Variants in RNF135 observed in about 807,000 individuals in gnomAD.
The protein encoded by RNF135 is E3 ubiquitin-protein ligase RNF135.
In RNF135, 46 loss-of-function variants were observed where a neutral mutation model predicts 41.9. That is an observed-to-expected ratio of 1.10 (90% CI 0.87 to 1.40). The LOEUF (loss-of-function observed/expected upper bound fraction) is 1.40, where lower values mean the gene tolerates loss of function less well. Ranked by LOEUF, RNF135 falls within the 40% of genes most tolerant of loss-of-function variation. The pLI is 0.00. For synonymous variants in RNF135, 238 were observed against 223.8 expected (o/e 1.06, Z -0.57); for missense variants, 539 against 549.8 (o/e 0.98, Z 0.20).
Position 30,999,394 on chromosome 17 carries a change from G to C in RNF135, c.*203G>C. 1 of 601,720 alleles carries C rather than the reference G, an allele frequency of 1.7e-6. No homozygotes were observed. Among genetic ancestry groups the C allele is most frequent in the Non-Finnish European group, 3.0e-6 (1 of 338,466 alleles). The allele number at this position is 601,720 out of a possible 1,614,324, so 37.3% of individuals were successfully genotyped here. ...CTCCCAAGGTGCTGGGATTACAGGT[G>C]TGAGCCACCACACCTGGCCAAGAAT... On this transcript the variant is annotated 3_prime_UTR_variant, in exon 5 of 5. Transcript: ENST00000328381.
At chr17:30,976,155 G>A (rs1906441035) in intron 1 of RNF135, among the ~76,000 whole-genome samples, 1 of 152,062 alleles carries the variant, frequency 6.6e-6, no homozygotes, top group South Asian at 2.1e-4. Context: ...ACAGGCACAC[G>A]CCACCACACC....
At chr17:30,998,541 A>G in intron 4 of RNF135, 121 bp from the exon 5 acceptor site, 1 of 943,382 alleles carries the variant, frequency 1.1e-6, no homozygotes, top group Non-Finnish European at 1.7e-6. Flanking sequence ...TAGCAATTTT[A>G]ATGCTAGTGT....
At chr17:30,974,829 A>G (rs996772798) in intron 1 of RNF135, among the ~76,000 whole-genome samples, 4 of 151,876 alleles carry the variant, frequency 2.6e-5, no homozygotes, top group African/African-American at 9.7e-5. Flanking sequence ...ACAGGTGCCC[A>G]TCACCACCCA....
rs1199591708 is a variant in RNF135, at chr17:30,987,891, A to G, written c.517-53A>G. 2.7e-6 allele frequency: 4 copies of G among 1,472,346 alleles called. No homozygotes were observed. In the East Asian group the frequency reaches 6.8e-5, roughly 25 times the overall value. The allele number at this position is 1,472,346 out of a possible 1,614,324, so 91.2% of individuals were successfully genotyped here. ...TAGAAAAACTTGAATATAATAGTTG[A>G]TAGACTGCATAGGGGACTTCCATTT... On this transcript the variant is annotated intron_variant, in intron 2 of 4. Coordinates refer to ENST00000328381, the MANE Select transcript of RNF135 (RefSeq NM_032322.4).
chr17:30,979,852 G>C (rs1411030981), intron 1 of RNF135, among the ~76,000 whole-genome samples: 1 of 113,356 alleles, frequency 8.8e-6, no homozygotes, highest in Non-Finnish European at 1.9e-5. Context: ...CTGGCCAGGC[G>C]GGGGGGCTGA....
intron 1 of RNF135, chr17:30,975,723 C>A (rs1346981084): frequency 3.6e-6 from 5 of 1,403,298 alleles, no homozygotes; most frequent in Non-Finnish European, 5.0e-6. Context: ...TTGCCCAACA[C>A]TGCTCACCTG....
chr17:30,998,017 T>C (rs749289269), intron 4 of RNF135, among the ~76,000 whole-genome samples: 7 of 152,232 alleles, frequency 4.6e-5, no homozygotes, highest in Non-Finnish European at 1.0e-4. Flanking sequence ...TATAAACAGC[T>C]GTGGTCATAA....
intron 1 of RNF135, among the ~76,000 whole-genome samples, chr17:30,977,007 C>T (rs1906519646): frequency 6.6e-6 from 1 of 151,546 alleles, no homozygotes; most frequent in African/African-American, 2.4e-5. Flanking sequence ...GTGGTCTTCT[C>T]TTCCTTCTTT....
intron 1 of RNF135, among the ~76,000 whole-genome samples, chr17:30,976,369 T>C (rs1000013478): frequency 2.6e-5 from 4 of 152,172 alleles, no homozygotes; most frequent in African/African-American, 9.7e-5. Flanking sequence ...AGGTCTTAGG[T>C]TTTGTGACCT....
chr17:30,983,353 A>ATATATATATATATATATATATT (rs1420453160), intron 1 of RNF135, among the ~76,000 whole-genome samples: 2 of 35,732 alleles, frequency 5.6e-5, no homozygotes, highest in African/African-American at 9.1e-5. Context: ...ATATATATAT[A>ATATATATATATATATATATATT]TTTTTTTTTT....
the RNF135 span, among the ~76,000 whole-genome samples, chr17:30,962,179 CTGGAGTGCAGTAGAGTGATCT>C: frequency 6.6e-6 from 1 of 151,604 alleles, no homozygotes; most frequent in Non-Finnish European, 1.5e-5. Flanking sequence ...TGTCGCCAGG[CTGGAGTGCAGTAGAGTGATCT>C]TGGCTCACTG....
intron 3 of RNF135, among the ~76,000 whole-genome samples, chr17:30,989,599 C>T (rs1006352661): frequency 6.6e-6 from 1 of 152,146 alleles, no homozygotes; most frequent in African/African-American, 2.4e-5. Flanking sequence ...CTGCTCTGGC[C>T]ACTGCTATCT....
intron 3 of RNF135, among the ~76,000 whole-genome samples, chr17:30,996,706 G>C (rs959858407): frequency 6.6e-6 from 1 of 152,162 alleles, no homozygotes; most frequent in Non-Finnish European, 1.5e-5. Flanking sequence ...GCCTGACGTG[G>C]TCATTGCACT....
intron 3 of RNF135, among the ~76,000 whole-genome samples, chr17:30,990,081 T>C (rs1907883472): frequency 1.3e-5 from 2 of 152,136 alleles, no homozygotes; most frequent in South Asian, 4.1e-4. Context: ...AGAGAGCAGT[T>C]TATTGTTCCA....
chr17:30,992,505 T>G (rs4600517), intron 3 of RNF135, among the ~76,000 whole-genome samples: 30,480 of 151,876 alleles, frequency 0.2, 9,548 homozygotes, highest in African/African-American at 0.67. Flanking sequence ...TTACTTTGTT[T>G]CCCAGGGTGG....
upstream of RNF135, among the ~76,000 whole-genome samples, chr17:30,967,617 C>A (rs575101225): frequency 6.6e-6 from 1 of 151,836 alleles, no homozygotes; most frequent in Admixed American, 6.6e-5. Flanking sequence ...GACTTTCATG[C>A]ATGAAATATA....
chr17:30,980,270 C>T (rs1906986173), intron 1 of RNF135: 1 of 134,616 alleles, frequency 7.4e-6, no homozygotes, highest in Admixed American at 7.1e-5. Context: ...TCCTCACTTC[C>T]CAGTAGGGGC....
intron 3 of RNF135, chr17:30,993,758 T>A (rs538496582): frequency 3.9e-5 from 38 of 977,566 alleles, no homozygotes; most frequent in South Asian, 3.5e-4. Flanking sequence ...TTTTAAAAAA[T>A]TTTTTTCCTT....
In RNF135 at chr17:30,998,686, TGAA is replaced by T. The variant is rs1349161646; in HGVS notation, c.797_799del (p.Lys266del). 1.2e-6 allele frequency: 2 copies of T among 1,613,910 alleles called. No homozygotes were observed. Among genetic ancestry groups the T allele is most frequent in the Non-Finnish European group, 1.7e-6 (2 of 1,180,002 alleles). ...GGGGCCATCCATCCAACCTTTAACTTGAAGAGCCTTTCCTGCAGCCTGGAGGTG... is the reference window on the plus strand; with the variant it reads ...GGGGCCATCCATCCAACCTTTAACTTGAGCCTTTCCTGCAGCCTGGAGGTG... On this transcript the variant is annotated inframe_deletion, in exon 5 of 5. Transcript: ENST00000328381.
Sources: allele counts gnomAD v4.1 joint callset (sites outside exome capture counted in the v4.1 genomes callset), GRCh38; gene constraint gnomAD v4.1.1; transcripts MANE v1.5; gene names NCBI Gene and HGNC (gene_info 2026-07-23, HGNC 2026-07-21).